Variants in RAPGEF6 observed in about 807,000 individuals in gnomAD.
The protein encoded by RAPGEF6 is Rap guanine nucleotide exchange factor 6, also known as PDZ domain containing guanine nucleotide exchange factor (GEF) 2.
A neutral mutation model predicts 171.4 loss-of-function variants in RAPGEF6; 56 were observed. The ratio of observed to expected loss-of-function variants is 0.33; its 90% CI spans 0.26 to 0.41. The LOEUF (loss-of-function observed/expected upper bound fraction) is 0.41. RAPGEF6 is among the 10% of genes least tolerant of loss of function. RAPGEF6 has a pLI of 1.00. For synonymous variants in RAPGEF6, 692 were observed against 650.1 expected (o/e 1.06, Z -0.98); for missense variants, 1,674 against 1,921.4 (o/e 0.87, Z 2.41).
chr5:131,595,434 C>T (rs1763839192), intron 3 of RAPGEF6, among the ~76,000 whole-genome samples: 1 of 152,138 alleles, frequency 6.6e-6, no homozygotes, highest in African/African-American at 2.4e-5. Context: ...ATTACCCAGT[C>T]TCAGGTAGTT....
chr5:131,632,263 T>G (rs190380285), intron 1 of RAPGEF6, among the ~76,000 whole-genome samples: 1 of 152,060 alleles, frequency 6.6e-6, no homozygotes, highest in African/African-American at 2.4e-5. Flanking sequence ...ACAAAGCTGC[T>G]TGCTATTTCT....
intron 4 of RAPGEF6, among the ~76,000 whole-genome samples, chr5:131,588,894 A>G (rs1763423149): frequency 6.6e-6 from 1 of 151,954 alleles, no homozygotes; most frequent in African/African-American, 2.4e-5. Flanking sequence ...CCAACATGGT[A>G]CCCTGTCTCC....
intron 6 of RAPGEF6, among the ~76,000 whole-genome samples, chr5:131,542,249 G>C (rs1760201012): frequency 6.6e-6 from 1 of 152,078 alleles, no homozygotes; most frequent in African/African-American, 2.4e-5. Flanking sequence ...TAAATAATTT[G>C]TAAGCAATAG....
rs556278018 is a variant in RAPGEF6 at position 131,555,935 on chromosome 5, T to C, written c.351+6043A>G. Among the ~76,000 whole-genome samples, 3 of 152,324 alleles carry C rather than the reference T, an allele frequency of 2.0e-5. No individual in the cohort carries two copies. In the East Asian group the frequency reaches 5.8e-4, roughly 29 times the overall value. On this transcript the variant is annotated intron_variant, in intron 5 of 27. Coordinates refer to ENST00000509018, the MANE Select transcript of RAPGEF6 (RefSeq NM_016340.6). ...TATAGCCTACTACTTATCTAGGCTA[T>C]ATAGTATGGCCTATTGGTCGTAAGC...
intron 18 of RAPGEF6, 109 bp downstream of exon 18, chr5:131,463,932 T>G (rs1754131817): frequency 1.4e-6 from 2 of 1,468,890 alleles, no homozygotes; most frequent in Admixed American, 4.9e-5. Context: ...CTGGAGTGAA[T>G]TTAGGAGCAC....
intron 16 of RAPGEF6, 89 bp from the exon 17 acceptor site, chr5:131,472,833 G>T (rs1039587971): frequency 2.3e-4 from 257 of 1,131,666 alleles, no homozygotes; most frequent in Admixed American, 4.8e-4. Context: ...AGGCATAAAA[G>T]AACCAATTCA....
At chr5:131,573,615 C>T (rs936064911) in intron 4 of RAPGEF6, among the ~76,000 whole-genome samples, 1 of 152,050 alleles carries the variant, frequency 6.6e-6, no homozygotes, top group Admixed American at 6.6e-5. Flanking sequence ...AGGGCAGTTC[C>T]CCGAGAGGAT....
Position 131,623,279 on chromosome 5 carries a change from C to T in RAPGEF6, c.69+11683G>A, listed in dbSNP as rs141354398. On this transcript the variant is annotated intron_variant, in intron 1 of 27. Transcript: ENST00000509018. ...TTTCTTTCAAGATATTACTAAGTTT[C>T]CTCCATCTGAATTGTCTCTCAAGAA... Among the ~76,000 whole-genome samples, 48 of 152,234 alleles carry T rather than the reference C, an allele frequency of 3.2e-4. No homozygotes were observed. In the East Asian group the frequency reaches 8.7e-3, roughly 28 times the overall value.
chr5:131,495,503 T>A (rs1233776798), intron 13 of RAPGEF6, 50 bp downstream of exon 13: 1 of 1,434,684 alleles, frequency 7.0e-7, no homozygotes, highest in African/African-American at 1.4e-5. Context: ...TTGCTAGTGT[T>A]GAGGGGGGAC....
At chr5:131,446,343 G>T in intron 22 of RAPGEF6, 140 bp downstream of exon 22, 1 of 744,500 alleles carries the variant, frequency 1.3e-6, no homozygotes, top group Non-Finnish European at 2.1e-6. Flanking sequence ...TGATTAATTG[G>T]ATCACATGAT....
intron 9 of RAPGEF6, among the ~76,000 whole-genome samples, chr5:131,506,284 G>A (rs1757366974): frequency 3.9e-5 from 6 of 152,134 alleles, no homozygotes; most frequent in Admixed American, 3.3e-4. Flanking sequence ...GGGACTACAG[G>A]TGTCCACCAC....
chr5:131,491,698 G>A (rs887205797), intron 14 of RAPGEF6, among the ~76,000 whole-genome samples: 3 of 152,138 alleles, frequency 2.0e-5, no homozygotes, highest in African/African-American at 7.2e-5. Flanking sequence ...AACTGCAAAT[G>A]CAAGGGATCT....
At chr5:131,606,273 T>C (rs1443498426) in intron 1 of RAPGEF6, among the ~76,000 whole-genome samples, 3 of 146,780 alleles carry the variant, frequency 2.0e-5, no homozygotes, top group Non-Finnish European at 4.5e-5. Context: ...AGCTGAGGTG[T>C]GAGGGATGGC....
chr5:131,462,131 G>A, intron 18 of RAPGEF6, 43 bp from the exon 19 acceptor site: 1 of 1,302,048 alleles, frequency 7.7e-7, no homozygotes, highest in Non-Finnish European at 1.0e-6. Flanking sequence ...TCATAAATAT[G>A]ATTAAATAAG....
At chr5:131,633,299 CA>C (rs1766430731) in intron 1 of RAPGEF6, among the ~76,000 whole-genome samples, 1 of 152,150 alleles carries the variant, frequency 6.6e-6, no homozygotes, top group Admixed American at 6.5e-5. Flanking sequence ...CGTGCCACTG[CA>C]CTCCAGCCTG....
chr5:131,517,245 A>G (rs1758151157), intron 7 of RAPGEF6, among the ~76,000 whole-genome samples: 1 of 152,160 alleles, frequency 6.6e-6, no homozygotes. Flanking sequence ...AAATCTGCAC[A>G]TGTACCCCCC....
intron 1 of RAPGEF6, among the ~76,000 whole-genome samples, chr5:131,623,824 A>T (rs1337689243): frequency 6.6e-6 from 1 of 152,226 alleles, no homozygotes; most frequent in Non-Finnish European, 1.5e-5. Context: ...ACAAATATTT[A>T]GATATCTACT....
chr5:131,553,622 A>G (rs1382248124), intron 5 of RAPGEF6, among the ~76,000 whole-genome samples: 1 of 152,152 alleles, frequency 6.6e-6, no homozygotes, highest in Non-Finnish European at 1.5e-5. Flanking sequence ...AATAAAAATG[A>G]AAATGTTAGA....
At chr5:131,437,501 T>C (rs930032064) in intron 24 of RAPGEF6, among the ~76,000 whole-genome samples, 1 of 152,228 alleles carries the variant, frequency 6.6e-6, no homozygotes, top group African/African-American at 2.4e-5. Flanking sequence ...ACTGTTCATT[T>C]GGACCATCTG....
Sources: allele counts gnomAD v4.1 joint callset (sites outside exome capture counted in the v4.1 genomes callset), GRCh38; gene constraint gnomAD v4.1.1; transcripts MANE v1.5; gene names NCBI Gene and HGNC (gene_info 2026-07-23, HGNC 2026-07-21).